VPS13B: variants seen among roughly 807,000 people sequenced by gnomAD.
VPS13B encodes the protein vacuolar protein sorting 13 homolog B.
A neutral mutation model predicts 426.4 loss-of-function variants in VPS13B; 285 were observed. The ratio of observed to expected loss-of-function variants is 0.67; its 90% CI spans 0.61 to 0.74. The LOEUF (loss-of-function observed/expected upper bound fraction) is 0.74. Ranked by LOEUF, VPS13B falls within the 30% of genes least tolerant of loss-of-function variation. The pLI is 0.00. For missense variants in VPS13B, 4,537 were observed against 4,782.6 expected (o/e 0.95, Z 1.51); for synonymous variants, 1,676 against 1,676.4 (o/e 1.00, Z 0.01).
At chr8:99,683,952 T>C (rs1831264554) in intron 35 of VPS13B, among the ~76,000 whole-genome samples, 1 of 152,220 alleles carries the variant, frequency 6.6e-6, no homozygotes, top group South Asian at 2.1e-4. Flanking sequence ...TTCTTCATAA[T>C]TATGATGTTA....
chr8:99,589,480 TTTTC>T (rs1377697274), intron 33 of VPS13B, among the ~76,000 whole-genome samples: 8 of 151,676 alleles, frequency 5.3e-5, no homozygotes, highest in Non-Finnish European at 4.4e-5. Context: ...CTTGCGATAG[TTTTC>T]TGAGAATGAT....
At chr8:99,087,669 A>G (rs1845909517) in intron 3 of VPS13B, among the ~76,000 whole-genome samples, 1 of 148,724 alleles carries the variant, frequency 6.7e-6, no homozygotes, top group Non-Finnish European at 1.5e-5. Context: ...CCTGGCTGCC[A>G]ATTCTTTGGT....
intron 24 of VPS13B, among the ~76,000 whole-genome samples, chr8:99,476,531 C>T (rs1027698996): frequency 6.6e-6 from 1 of 151,696 alleles, no homozygotes; most frequent in Non-Finnish European, 1.5e-5. Flanking sequence ...CATAATCCAA[C>T]TATTGAAAGC....
intron 15 of VPS13B, among the ~76,000 whole-genome samples, chr8:99,165,211 G>A (rs1811930918): frequency 6.6e-6 from 1 of 152,104 alleles, no homozygotes; most frequent in Non-Finnish European, 1.5e-5. Context: ...TGCTGTCATT[G>A]ATTTTTTAAT....
intron 33 of VPS13B, among the ~76,000 whole-genome samples, chr8:99,581,602 C>G (rs1362078438): frequency 6.6e-6 from 1 of 152,064 alleles, no homozygotes; most frequent in Admixed American, 6.6e-5. Context: ...TTTAAATGAA[C>G]CTTATTTCTC....
At chr8:99,080,045 T>A (rs1845359207) in intron 3 of VPS13B, among the ~76,000 whole-genome samples, 1 of 150,690 alleles carries the variant, frequency 6.6e-6, no homozygotes, top group Admixed American at 6.6e-5. Flanking sequence ...TGTATTATAT[T>A]GTATATTATC....
intron 19 of VPS13B, chr8:99,346,832 A>T (rs1252399640): frequency 6.6e-6 from 1 of 152,522 alleles, no homozygotes; most frequent in East Asian, 1.9e-4. Flanking sequence ...CTTCCCATAC[A>T]TGGTTGTCAG....
Position 99,819,529 on chromosome 8 carries a change from G to T in VPS13B, c.8739G>T (p.Gly2913=), listed in dbSNP as rs797046097. The part of the protein sequence containing the change: ...TVNQILDEFY[G]PEKSLQPIWP... ...ATCAGATCCTTGACGAATTCTATGG[G>T]CCAGAAAAGTCGCTTCAACCCATAT... The change falls in exon 48 of 62, where the codon GGG becomes GGT. Residue 2913 remains glycine (G), a synonymous_variant. Coordinates refer to ENST00000357162, the MANE Select transcript of VPS13B (RefSeq NM_152564.5). 2.5e-6 allele frequency: 4 copies of T among 1,613,834 alleles called. No individual in the cohort carries two copies. The highest frequency in any genetic ancestry group is 3.4e-6 in the Non-Finnish European group (4 of 1,179,876).
At chr8:99,871,042 G>C in intron 60 of VPS13B, 155 bp downstream of exon 60, 1 of 772,334 alleles carries the variant, frequency 1.3e-6, no homozygotes, top group Non-Finnish European at 2.2e-6. Flanking sequence ...ACTGTAGAGG[G>C]ACAGGAAGAG....
rs774374731 is a variant in VPS13B, at chr8:99,835,324, G to T, written c.9742G>T (p.Asp3248Tyr). Residue 3248 changes from aspartate to tyrosine, a missense_variant and splice_region_variant, in exon 53 of 62, where the codon GAT becomes TAT. Transcript: ENST00000357162. ...AATGCTTATAAAGGAAAACATTAAA[G>T]GTATGTTTTATACTATCGAATTTAG... ...VKMLIKENIK[D>Y]IPKFEVYCKK... 6.2e-7 allele frequency: 1 copy of T among 1,608,614 alleles called. No homozygotes were observed. The highest frequency in any genetic ancestry group is 8.5e-7 in the Non-Finnish European group (1 of 1,175,316).
At chr8:99,466,074 C>G (rs185487816) in intron 23 of VPS13B, among the ~76,000 whole-genome samples, 2 of 152,124 alleles carry the variant, frequency 1.3e-5, no homozygotes, top group East Asian at 3.9e-4. Flanking sequence ...TAGTAATTCA[C>G]TTGGTATTTT....
chr8:99,783,204 G>A (rs1211083634), intron 42 of VPS13B, among the ~76,000 whole-genome samples: 1 of 152,116 alleles, frequency 6.6e-6, no homozygotes, highest in African/African-American at 2.4e-5. Context: ...CTCCGTACTT[G>A]AATCACAATG....
At chr8:99,360,166 C>CTT (rs1812447086) in intron 19 of VPS13B, among the ~76,000 whole-genome samples, 1 of 36,430 alleles carries the variant, frequency 2.7e-5, no homozygotes, top group African/African-American at 1.3e-4. Context: ...TTCTTTCTTT[C>CTT]TTTCTTTCTT....
intron 30 of VPS13B, among the ~76,000 whole-genome samples, chr8:99,522,787 TA>T (rs1266807073): frequency 5.3e-5 from 8 of 152,204 alleles, no homozygotes; most frequent in African/African-American, 1.9e-4. Flanking sequence ...CATTTCTACA[TA>T]AACAAACTAA....
chr8:99,851,640 C>T (rs1816300891), intron 55 of VPS13B, among the ~76,000 whole-genome samples: 1 of 151,998 alleles, frequency 6.6e-6, no homozygotes, highest in Non-Finnish European at 1.5e-5. Context: ...AGGGCACAGC[C>T]AGTTCAAAGG....
intron 39 of VPS13B, among the ~76,000 whole-genome samples, chr8:99,732,517 A>T (rs1387375788): frequency 1.3e-5 from 2 of 152,222 alleles, no homozygotes; most frequent in Non-Finnish European, 1.5e-5. Context: ...TAAAAGGGAA[A>T]TGGGGCTCGT....
intron 56 of VPS13B, among the ~76,000 whole-genome samples, chr8:99,855,109 C>T (rs1255174986): frequency 6.6e-6 from 1 of 152,202 alleles, no homozygotes; most frequent in Non-Finnish European, 1.5e-5. Flanking sequence ...GGCGCAGTGG[C>T]TCACACCTGT....
intron 7 of VPS13B, among the ~76,000 whole-genome samples, chr8:99,118,293 A>G (rs1330749252): frequency 6.6e-6 from 1 of 152,072 alleles, no homozygotes; most frequent in Non-Finnish European, 1.5e-5. Context: ...TATCAATACA[A>G]TTGTTTTTGA....
At chr8:99,104,171 C>A (rs1846917696) in intron 5 of VPS13B, among the ~76,000 whole-genome samples, 1 of 152,176 alleles carries the variant, frequency 6.6e-6, no homozygotes, top group South Asian at 2.1e-4. Context: ...TGCTCCTAGG[C>A]TGCAAACCTG....
Sources: allele counts gnomAD v4.1 joint callset (sites outside exome capture counted in the v4.1 genomes callset), GRCh38; gene constraint gnomAD v4.1.1; transcripts MANE v1.5; gene names NCBI Gene and HGNC (gene_info 2026-07-23, HGNC 2026-07-21).